Variants in MICAL2 observed in about 807,000 individuals in gnomAD.
MICAL2 encodes microtubule associated monooxygenase, calponin and LIM domain containing 2.
In MICAL2, 77 loss-of-function variants were observed where a neutral mutation model predicts 127.3. The ratio of observed to expected loss-of-function variants is 0.60; its 90% CI spans 0.50 to 0.73. The LOEUF (loss-of-function observed/expected upper bound fraction) is 0.73, where lower values mean the gene tolerates loss of function less well. MICAL2 is among the 30% of genes least tolerant of loss of function. MICAL2 has a pLI of 0.00. For missense variants in MICAL2, 1,351 were observed against 1,434.4 expected, an observed-to-expected ratio of 0.94 and a Z score of 0.94; for synonymous variants, 570 against 551.1, an observed-to-expected ratio of 1.03 and a Z score of -0.48.
chr11:12,242,347 C>G lies in MICAL2; in HGVS notation c.2471C>G (p.Ala824Gly). The G allele has an allele frequency of 6.2e-7, 1 of 1,614,140 alleles. No individual in the cohort carries two copies. The highest frequency in any genetic ancestry group is 8.5e-7 in the Non-Finnish European group (1 of 1,179,984). Residue 824 changes from alanine to glycine, a missense_variant, in exon 19 of 28, where the codon GCT becomes GGT. Ala to Gly is a moderately conservative substitution (Grantham distance 60). Around this residue, in one of 2 missense-constraint regions of MICAL2, gnomAD observed 752 missense variants for 719.4 expected, o/e 1.05. Transcript: ENST00000683283. The stretch of plus-strand genomic sequence containing the variant: ...CAGCTGGGTGGGACAGAAAATTTCG[C>G]TACCCTGCCTTCTACCCGCCCGAGG... ...DLQLGGTENF[A>G]TLPSTRPRAQ...
chr11:12,180,194 G>A (rs560388951), intron 3 of MICAL2, among the ~76,000 whole-genome samples: 1 of 152,262 alleles, frequency 6.6e-6, no homozygotes, highest in Non-Finnish European at 1.5e-5. Context: ...GACATCAGAT[G>A]TGGTGGGTTG....
At chr11:12,246,753 T>G (rs1238296000) in intron 21 of MICAL2, among the ~76,000 whole-genome samples, 1 of 152,122 alleles carries the variant, frequency 6.6e-6, no homozygotes. Flanking sequence ...ACTATAGATG[T>G]GAATCACCAC....
At chr11:12,135,354 A>G (rs1851751765) in intron 1 of MICAL2, among the ~76,000 whole-genome samples, 1 of 152,174 alleles carries the variant, frequency 6.6e-6, no homozygotes. Context: ...AAACTGAGGT[A>G]GAGAGAGGTT....
chr11:12,257,075 C>G, intron 24 of MICAL2, 104 bp downstream of exon 24: 1 of 1,218,776 alleles, frequency 8.2e-7, no homozygotes, highest in Non-Finnish European at 1.1e-6. Context: ...CCCAAACATA[C>G]CCAAAAGGAA....
intron 3 of MICAL2, among the ~76,000 whole-genome samples, chr11:12,200,985 G>C (rs1247696807): frequency 6.6e-6 from 1 of 152,230 alleles, no homozygotes; most frequent in Admixed American, 6.5e-5. Context: ...GAAATGCAGT[G>C]AATCCAGACT....
intron 2 of MICAL2, among the ~76,000 whole-genome samples, chr11:12,281,629 T>C (rs1189940865): frequency 6.6e-6 from 1 of 152,218 alleles, no homozygotes; most frequent in Admixed American, 6.5e-5. Context: ...TTTTACTGCA[T>C]ACCTGTAATG....
chr11:12,329,155 TG>T (rs1384743975), intron 32 of MICAL2, among the ~76,000 whole-genome samples: 1 of 152,248 alleles, frequency 6.6e-6, no homozygotes, highest in Non-Finnish European at 1.5e-5. Flanking sequence ...AATACCTGTT[TG>T]TTTTTTTTAC....
At chr11:12,248,338 A>C (rs2706627) in intron 21 of MICAL2, among the ~76,000 whole-genome samples, 139,935 of 152,176 alleles carry the variant, frequency 0.92, 64,626 homozygotes, top group Middle Eastern at 0.98. Context: ...ATGTCCCCAG[A>C]ACCATTTCCT....
chr11:12,208,780 C>T (rs915050906), intron 5 of MICAL2, among the ~76,000 whole-genome samples: 28 of 152,260 alleles, frequency 1.8e-4, no homozygotes, highest in Admixed American at 1.2e-3. Flanking sequence ...AAGTATCTAC[C>T]GCCTGGGAAG....
rs1859911723 is a variant in MICAL2 at position 12,241,270 on chromosome 11, A to ATT, written c.2337+111_2337+112dup. 1.3e-5 allele frequency: 18 copies of ATT among 1,401,746 alleles called. No homozygotes were observed. In the South Asian group the frequency reaches 2.5e-4, roughly 20 times the overall value. 86.8% of individuals were successfully genotyped at this position (1,401,746 alleles called of 1,614,324 possible). A position where few individuals can be genotyped will look rare whatever the true frequency, so the allele number is the denominator to read the frequency against. ...ACACCCCAAGTAGGGCTGATTGTAG[A>ATT]TTTTCTGGACACACCTTGATGTCAC... On this transcript the variant is annotated intron_variant, in intron 18 of 27. Coordinates refer to ENST00000683283, the MANE Select transcript of MICAL2 (RefSeq NM_001282663.2).
At chr11:12,205,405 C>A (rs1854554961) in intron 4 of MICAL2, among the ~76,000 whole-genome samples, 1 of 152,086 alleles carries the variant, frequency 6.6e-6, no homozygotes, top group Admixed American at 6.6e-5. Context: ...GATGTAAAAC[C>A]CACCTATATA....
chr11:12,334,453 A>G (rs1381032206), intron 32 of MICAL2, among the ~76,000 whole-genome samples: 2 of 151,418 alleles, frequency 1.3e-5, no homozygotes, highest in Non-Finnish European at 2.9e-5. Context: ...TTTTTTTTTA[A>G]TTTTATTATT....
At position 12,162,333 on chromosome 11, in the gene MICAL2, T is replaced by C; in HGVS notation, c.178T>C (p.Trp60Arg). Residue 60 changes from tryptophan (W) to arginine (R), a missense_variant, in exon 3 of 28, where the codon TGG (tryptophan) becomes CGG (arginine). Trp to Arg is a moderately radical substitution (Grantham distance 101, BLOSUM62 -3). This residue lies in a region of MICAL2 where 599 missense variants were observed against 714.9 expected (regional missense o/e 0.84). Coordinates refer to ENST00000683283, the MANE Select transcript of MICAL2 (RefSeq NM_001282663.2). ...CAAGCTCAAGTCCAAGGTGACCACC[T>C]GGAAAGCCAAAGCCCTGTGGTACAA... Reference protein sequence around the residue: ...YSKLKSKVTTWKAKALWYKLD... With the variant: ...YSKLKSKVTTRKAKALWYKLD... The C allele has an allele frequency of 6.2e-7, 1 of 1,614,240 alleles. No individual in the cohort carries two copies. The highest frequency in any genetic ancestry group is 8.5e-7 in the Non-Finnish European group (1 of 1,180,050).
At chr11:12,189,650 T>C (rs1473040479) in intron 3 of MICAL2, among the ~76,000 whole-genome samples, 1 of 152,232 alleles carries the variant, frequency 6.6e-6, no homozygotes, top group Non-Finnish European at 1.5e-5. Context: ...GTTTGTTTTC[T>C]CTGAAAGGGT....
chr11:12,235,659 A>G (rs1271243025), intron 15 of MICAL2, among the ~76,000 whole-genome samples: 1 of 152,176 alleles, frequency 6.6e-6, no homozygotes, highest in Non-Finnish European at 1.5e-5. Context: ...TAGGCAGCTC[A>G]TTTGAGCCCT....
intron 6 of MICAL2, 27 bp from the exon 7 acceptor site, chr11:12,213,228 C>G (rs1257439629): frequency 6.3e-7 from 1 of 1,582,052 alleles, no homozygotes; most frequent in African/African-American, 1.4e-5. Context: ...AGAAGATAGA[C>G]CCACTTTTTC....
chr11:12,130,374 G>C (rs1851313688), intron 1 of MICAL2, among the ~76,000 whole-genome samples: 1 of 152,162 alleles, frequency 6.6e-6, no homozygotes. Flanking sequence ...GGGCCTGCAG[G>C]GGGCTGAATC....
chr11:12,251,208 C>T (rs1288087946), intron 22 of MICAL2, among the ~76,000 whole-genome samples: 1 of 149,254 alleles, frequency 6.7e-6, no homozygotes, highest in Non-Finnish European at 1.5e-5. Flanking sequence ...AAAAACCTGT[C>T]ATTAGCCACA....
chr11:12,203,259 CT>C (rs1293526236), intron 3 of MICAL2, among the ~76,000 whole-genome samples: 1 of 152,138 alleles, frequency 6.6e-6, no homozygotes, highest in Non-Finnish European at 1.5e-5. Flanking sequence ...GTTTTCATTT[CT>C]CTTGGATATA....
Sources: allele counts gnomAD v4.1 joint callset (sites outside exome capture counted in the v4.1 genomes callset), GRCh38; gene constraint gnomAD v4.1.1; regional missense constraint gnomAD v4.1.1; transcripts MANE v1.5; gene names NCBI Gene and HGNC (gene_info 2026-07-23, HGNC 2026-07-21).